RTN4RL1: variants seen among roughly 807,000 people sequenced by gnomAD.
RTN4RL1 encodes the protein reticulon-4 receptor-like 1.
Under a neutral mutation model 25.6 loss-of-function variants are expected in RTN4RL1, and 7 were observed. The observed-to-expected ratio is 0.27, with a 90% confidence interval of 0.16 to 0.51. RTN4RL1 has a LOEUF of 0.51. Among genes scored for constraint, RTN4RL1 ranks in the 20% least tolerant of loss-of-function variants. The pLI, the probability that RTN4RL1 is intolerant of heterozygous loss-of-function variation, is 0.97. For synonymous variants in RTN4RL1, 297 were observed against 288.2 expected, an observed-to-expected ratio of 1.03 and a Z score of -0.31; for missense variants, 500 against 615.6, an observed-to-expected ratio of 0.81 and a Z score of 1.99.
At chr17:1,961,522 C>G (rs934713222) in intron 1 of RTN4RL1, among the ~76,000 whole-genome samples, 2 of 152,030 alleles carry the variant, frequency 1.3e-5, no homozygotes, top group African/African-American at 2.4e-5. Flanking sequence ...GGGTTTGATA[C>G]AACACGTAAG....
chr17:1,988,232 T>C (rs556172064), intron 1 of RTN4RL1, among the ~76,000 whole-genome samples: 5 of 151,624 alleles, frequency 3.3e-5, no homozygotes, highest in Middle Eastern at 3.4e-3. Context: ...TCCTGGCCAA[T>C]GGTGAAAACC....
Position 1,998,119 on chromosome 17 carries a change from G to C in RTN4RL1, c.13+26734C>G, listed in dbSNP as rs1247400192. On this transcript the variant is annotated intron_variant, in intron 1 of 1. Transcript: ENST00000331238. The surrounding 1 kb of genome is among the most constrained non-coding windows in gnomAD (Gnocchi z 4.9). ...AGGGAGAGCTGCCGGGGCTGGCAGG[G>C]GAGCCAGACGGCGGCGGAGGGGGCG... Among the ~76,000 whole-genome samples the C allele has an allele frequency of 6.6e-6, 1 of 152,192 alleles. No homozygotes were observed. Among genetic ancestry groups the C allele is most frequent in the African/African-American group, 2.4e-5 (1 of 41,470 alleles).
At chr17:1,938,742 G>A (rs1915368526) in intron 1 of RTN4RL1, among the ~76,000 whole-genome samples, 1 of 150,910 alleles carries the variant, frequency 6.6e-6, no homozygotes, top group Non-Finnish European at 1.5e-5. Flanking sequence ...CTAAGCCTCA[G>A]TTTCCTCATT....
intron 1 of RTN4RL1, among the ~76,000 whole-genome samples, chr17:1,952,265 C>T (rs914550193): frequency 2.2e-4 from 33 of 151,096 alleles, no homozygotes; most frequent in African/African-American, 8.0e-4. Flanking sequence ...CGCTGCATGA[C>T]GTTTTGCCAT....
Position 1,994,609 on chromosome 17 carries a change from T to C in RTN4RL1, c.13+30244A>G, listed in dbSNP as rs2066922046. Among the ~76,000 whole-genome samples the C allele has an allele frequency of 6.6e-6, 1 of 151,870 alleles. No individual in the cohort carries two copies. The highest frequency in any genetic ancestry group is 2.4e-5 in the African/African-American group (1 of 41,308). On this transcript the variant is annotated intron_variant, in intron 1 of 1. Transcript: ENST00000331238. The surrounding 1 kb of genome is among the most constrained non-coding windows in gnomAD (Gnocchi z 4.3). Reference sequence around the variant, plus strand: ...TTCACAGAAGGCAGAGGACAATGAGTCTGAGTGAAGATGCTGGAGTCAGCC... The same window carrying C: ...TTCACAGAAGGCAGAGGACAATGAGCCTGAGTGAAGATGCTGGAGTCAGCC...
intron 1 of RTN4RL1, among the ~76,000 whole-genome samples, chr17:1,980,853 A>G: frequency 1.0e-5 from 1 of 95,258 alleles, no homozygotes; most frequent in Non-Finnish European, 2.2e-5. Flanking sequence ...ACTTGAACCC[A>G]GGAGGTGGCA....
chr17:1,982,502 C>T (rs563921241), intron 1 of RTN4RL1, among the ~76,000 whole-genome samples: 18 of 151,598 alleles, frequency 1.2e-4, no homozygotes, highest in Non-Finnish European at 2.4e-4. Flanking sequence ...GTAGTCCCAG[C>T]TACTCGGGGG....
In RTN4RL1 at chr17:1,936,846, G is replaced by A. The variant is rs771199574; in HGVS notation, c.976C>T (p.Arg326Cys). The change falls in exon 2 of 2, where the codon CGC becomes TGC. Residue 326 changes from arginine to cysteine, a missense_variant. By Grantham distance (180) the Arg-to-Cys change is radical (BLOSUM62 -3). Coordinates refer to ENST00000331238, the MANE Select transcript of RTN4RL1 (RefSeq NM_178568.4). ...HTLTTTDRAA[R>C]KEHHSPHGPT... is the part of the protein sequence containing the mutation. ...CCGTGGGGTGAGTGGTGTTCCTTGC[G>A]GGCGGCCCTGTCGGTGGTGGTGAGC... is the stretch of plus-strand genomic sequence containing the variant. 3.0e-5 allele frequency: 47 copies of A among 1,586,618 alleles called. No homozygotes were observed. Among genetic ancestry groups the A allele is most frequent in the South Asian group, 4.6e-5 (4 of 87,056 alleles).
chr17:1,977,007 A>G lies in RTN4RL1; in HGVS notation c.14-39199T>C, dbSNP rs11653680. ...TATTTTGTTACCATTGTGGCCTCTC[A>G]GATCAGACTCCCTGTGCTACCATTT... On this transcript the variant is annotated intron_variant, in intron 1 of 1. Transcript: ENST00000331238. 9.0e-3 allele frequency among the ~76,000 whole-genome samples: 1,374 copies of G among 152,310 alleles called. 10 individuals are homozygous for G. The highest frequency in any genetic ancestry group is 0.015 in the Non-Finnish European group (996 of 68,024).
Position 1,936,163 on chromosome 17 carries a change from C to A in RTN4RL1, c.*333G>T, listed in dbSNP as rs1029051591. On this transcript the variant is annotated 3_prime_UTR_variant, in exon 2 of 2. Coordinates refer to ENST00000331238, the MANE Select transcript of RTN4RL1 (RefSeq NM_178568.4). ...GAACGATCGGGATTCCACAGAGCCCCGGTGCCGCCGTCGGGGGCAATTGTC... is the reference window on the plus strand; with the variant it reads ...GAACGATCGGGATTCCACAGAGCCCAGGTGCCGCCGTCGGGGGCAATTGTC... 2 of 1,129,382 alleles carry A rather than the reference C, an allele frequency of 1.8e-6. No homozygotes were observed. Among genetic ancestry groups the A allele is most frequent in the Non-Finnish European group, 2.2e-6 (2 of 920,630 alleles). The allele number at this position is 1,129,382 out of a possible 1,614,324, so 70.0% of individuals were successfully genotyped here.
At chr17:2,002,539 A>G (rs868177801) in intron 1 of RTN4RL1, among the ~76,000 whole-genome samples, 23 of 149,562 alleles carry the variant, frequency 1.5e-4, no homozygotes, top group South Asian at 1.3e-3. Context: ...TGATCCGCCC[A>G]CCTCGGCCTC....
At chr17:1,942,843 A>T (rs117400916) in intron 1 of RTN4RL1, among the ~76,000 whole-genome samples, 2 of 152,206 alleles carry the variant, frequency 1.3e-5, no homozygotes, top group Non-Finnish European at 2.9e-5. Context: ...GGGAAAGGCA[A>T]TGGCCACAGC....
At chr17:1,979,828 T>C (rs567056567) in intron 1 of RTN4RL1, among the ~76,000 whole-genome samples, 1 of 152,036 alleles carries the variant, frequency 6.6e-6, no homozygotes, top group Admixed American at 6.5e-5. Flanking sequence ...TCCTCCCCCC[T>C]TGACTGCCGC....
At chr17:1,991,085 C>T (rs1416741710) in intron 1 of RTN4RL1, among the ~76,000 whole-genome samples, 1 of 152,184 alleles carries the variant, frequency 6.6e-6, no homozygotes, top group Non-Finnish European at 1.5e-5. Flanking sequence ...CCAACCGAGT[C>T]GCAGATTCCA....
intron 1 of RTN4RL1, among the ~76,000 whole-genome samples, chr17:1,984,732 C>T (rs1250132736): frequency 1.3e-5 from 2 of 152,256 alleles, no homozygotes; most frequent in South Asian, 2.1e-4. Context: ...TTCGGGAGAC[C>T]GAGGCCAGTG....
Position 1,937,802 on chromosome 17 carries a change from C to A in RTN4RL1, c.20G>T (p.Cys7Phe). The A allele has an allele frequency of 1.3e-6, 2 of 1,585,184 alleles. No individual in the cohort carries two copies. Among genetic ancestry groups the A allele is most frequent in the Non-Finnish European group, 1.7e-6 (2 of 1,169,090 alleles). Residue 7 changes from cysteine (C) to phenylalanine (F), a missense_variant, in exon 2 of 2, where the codon TGT becomes TTT. By Grantham distance (205) the Cys-to-Phe change is radical (BLOSUM62 -2). This residue lies in a region of RTN4RL1 where 232 missense variants were observed against 341.1 expected (regional missense o/e 0.68). Coordinates refer to ENST00000331238, the MANE Select transcript of RTN4RL1 (RefSeq NM_178568.4). MLRKGCCVELLLLLVAA... is the reference protein window; with the variant it reads MLRKGCFVELLLLLVAA... ...TACCAACAGCAGCAGCAACTCCACA[C>A]AGCACCCTGGCAGGGAGAGAGAGCA...
At position 1,998,430 on chromosome 17, in the gene RTN4RL1, C is replaced by A. The variant is rs1250100735; in HGVS notation, c.13+26423G>T. ...GGCCGCGCTGGGATCCGTTCCCTCTCGCGGGAGCCGCCGGCCGGGGATCTG... is the reference window on the plus strand; with the variant it reads ...GGCCGCGCTGGGATCCGTTCCCTCTAGCGGGAGCCGCCGGCCGGGGATCTG... On this transcript the variant is annotated intron_variant, in intron 1 of 1. Transcript: ENST00000331238. The surrounding 1 kb of genome is among the most constrained non-coding windows in gnomAD (Gnocchi z 4.9). Among the ~76,000 whole-genome samples the A allele has an allele frequency of 6.6e-6, 1 of 151,968 alleles. No individual in the cohort carries two copies. Among genetic ancestry groups the A allele is most frequent in the Admixed American group, 6.6e-5 (1 of 15,266 alleles).
intron 1 of RTN4RL1, among the ~76,000 whole-genome samples, chr17:1,977,344 C>T (rs1467899820): frequency 2.0e-5 from 3 of 152,148 alleles, no homozygotes; most frequent in Non-Finnish European, 4.4e-5. Context: ...GGTCGTTCCA[C>T]CCCAAGGTCA....
chr17:1,999,665 C>G (rs1384240942), intron 1 of RTN4RL1, among the ~76,000 whole-genome samples: 7 of 87,726 alleles, frequency 8.0e-5, no homozygotes, highest in Non-Finnish European at 1.7e-4. Flanking sequence ...TGCCCACTCC[C>G]TATACATGCC....
Sources: gnomAD v4.1 joint callset for allele counts (sites outside exome capture counted in the v4.1 genomes callset) on GRCh38, gnomAD v4.1.1 for gene constraint, gnomAD v4.1.1 regional missense constraint, Gnocchi (gnomAD v3.1) non-coding constraint, MANE v1.5 for transcripts, NCBI Gene and HGNC (gene_info 2026-07-23, HGNC 2026-07-21) for gene names.